HSD17B12: variants seen among roughly 807,000 people sequenced by gnomAD.
The protein encoded by HSD17B12 is very-long-chain 3-oxoacyl-CoA reductase.
Under a neutral mutation model 39.3 loss-of-function variants are expected in HSD17B12, and 32 were observed. The observed-to-expected ratio is 0.81, with a 90% CI of 0.61 to 1.09. The LOEUF (loss-of-function observed/expected upper bound fraction) is 1.09, where lower values mean the gene tolerates loss of function less well. HSD17B12 is among the 50% of genes least tolerant of loss of function. The pLI is 0.00. For synonymous variants in HSD17B12, 150 were observed against 146.7 expected (o/e 1.02, Z -0.16); for missense variants, 342 against 382.9 (o/e 0.89, Z 0.89).
At chr11:43,606,224 CAT>C in the HSD17B12 span, among the ~76,000 whole-genome samples, 2 of 152,240 alleles carry the variant, frequency 1.3e-5, no homozygotes, top group Admixed American at 1.3e-4. Flanking sequence ...CTGATGTACT[CAT>C]ATCGTTACAA....
intron 1 of HSD17B12, among the ~76,000 whole-genome samples, chr11:43,711,152 A>G (rs1950061702): frequency 6.6e-6 from 1 of 152,188 alleles, no homozygotes; most frequent in Admixed American, 6.5e-5. Context: ...AAACTCTTTG[A>G]AAATTCCATT....
chr11:43,720,834 G>C (rs1326110445), intron 1 of HSD17B12, among the ~76,000 whole-genome samples: 1 of 151,986 alleles, frequency 6.6e-6, no homozygotes, highest in East Asian at 1.9e-4. Flanking sequence ...ATTTGGCTTG[G>C]ATAGAGTTTT....
chr11:43,666,736 C>A, the HSD17B12 span, among the ~76,000 whole-genome samples: 1 of 152,106 alleles, frequency 6.6e-6, no homozygotes, highest in African/African-American at 2.4e-5. Context: ...TGTTTAGATA[C>A]CCTGTATAGA....
intron 3 of HSD17B12, among the ~76,000 whole-genome samples, chr11:43,787,263 C>T (rs1273647824): frequency 6.6e-6 from 1 of 152,044 alleles, no homozygotes; most frequent in East Asian, 1.9e-4. Flanking sequence ...ATTCTTTGTT[C>T]TGAAAGTGTT....
chr11:43,618,415 C>T, the HSD17B12 span, among the ~76,000 whole-genome samples: 1 of 152,196 alleles, frequency 6.6e-6, no homozygotes, highest in Non-Finnish European at 1.5e-5. Context: ...TGCTTGACAA[C>T]TTACGCCTTC....
chr11:43,710,054 G>A (rs1286631913), intron 1 of HSD17B12, among the ~76,000 whole-genome samples: 1 of 152,200 alleles, frequency 6.6e-6, no homozygotes, highest in African/African-American at 2.4e-5. Context: ...AAATGTTAAA[G>A]GAGGCTTGAT....
At chr11:43,575,294 A>G in the HSD17B12 span, among the ~76,000 whole-genome samples, 2 of 152,234 alleles carry the variant, frequency 1.3e-5, no homozygotes, top group Non-Finnish European at 2.9e-5. The surrounding 1 kb of genome is among the most constrained non-coding windows in gnomAD (Gnocchi z 4.1). Flanking sequence ...GGAGGGAGAA[A>G]AAGAGAGCAG....
rs746881513 is a variant in HSD17B12, at chr11:43,838,276, T to C, written c.537-41T>C. The stretch of plus-strand genomic sequence containing the variant: ...CTGTAATTCACAAACAACTGCATAC[T>C]GTGGCTTCACTCCTTTTACACGGTA... On this transcript the variant is annotated intron_variant, in intron 7 of 10. Coordinates refer to ENST00000278353, the MANE Select transcript of HSD17B12 (RefSeq NM_016142.3). The C allele has an allele frequency of 5.4e-6, 7 of 1,303,694 alleles. No homozygotes were observed. In the East Asian group the frequency reaches 1.4e-4, roughly 26 times the overall value. 80.8% of individuals were successfully genotyped at this position (1,303,694 alleles called of 1,614,324 possible). A position where few individuals can be genotyped will look rare whatever the true frequency, so the allele number is the denominator to read the frequency against.
chr11:43,707,306 T>G (rs558983043), intron 1 of HSD17B12, among the ~76,000 whole-genome samples: 1 of 152,268 alleles, frequency 6.6e-6, no homozygotes, highest in South Asian at 2.1e-4. Context: ...AAAAATAAAG[T>G]AGATGATAGA....
At chr11:43,748,733 A>G (rs543642753) in intron 1 of HSD17B12, among the ~76,000 whole-genome samples, 1 of 152,328 alleles carries the variant, frequency 6.6e-6, no homozygotes, top group East Asian at 1.9e-4. Flanking sequence ...GTTAGTTACT[A>G]ATGTTTCCTA....
the HSD17B12 span, among the ~76,000 whole-genome samples, chr11:43,599,314 A>G: frequency 3.3e-5 from 5 of 152,228 alleles, no homozygotes; most frequent in Admixed American, 2.6e-4. Context: ...ACCATAGCCT[A>G]TGCGACCCTT....
chr11:43,575,883 C>G, the HSD17B12 span, among the ~76,000 whole-genome samples: 1 of 152,204 alleles, frequency 6.6e-6, no homozygotes, highest in East Asian at 1.9e-4. The surrounding 1 kb of genome is among the most constrained non-coding windows in gnomAD (Gnocchi z 4.1). Flanking sequence ...TCAAAATATA[C>G]ATTTCCAAAG....
At chr11:43,568,727 C>T in the HSD17B12 span, among the ~76,000 whole-genome samples, 1 of 152,242 alleles carries the variant, frequency 6.6e-6, no homozygotes, top group African/African-American at 2.4e-5. Flanking sequence ...AGAACTGTCA[C>T]TCTCAGCTTA....
the HSD17B12 span, among the ~76,000 whole-genome samples, chr11:43,659,828 A>G: frequency 2.0e-5 from 3 of 152,196 alleles, no homozygotes. Flanking sequence ...GATGGCCTGG[A>G]TGTTTTGGCT....
At chr11:43,726,004 A>T (rs115337279) in intron 1 of HSD17B12, among the ~76,000 whole-genome samples, 2,448 of 152,254 alleles carry the variant, frequency 0.016, 45 homozygotes, top group African/African-American at 0.044. Flanking sequence ...TCATGTTGTT[A>T]TTTTCACTTT....
At chr11:43,632,951 A>T in the HSD17B12 span, among the ~76,000 whole-genome samples, 1 of 152,194 alleles carries the variant, frequency 6.6e-6, no homozygotes, top group East Asian at 1.9e-4. Flanking sequence ...AAAGAAAAAA[A>T]ACAGAGAAAA....
At position 43,793,811 on chromosome 11, in the gene HSD17B12, G is replaced by A. The variant is rs117321210; in HGVS notation, c.284-4509G>A. On this transcript the variant is annotated intron_variant, in intron 3 of 10. Transcript: ENST00000278353. ...CTGTAGGAGTGGTGCATGTGCTCTTGCAGGTGATGGAATGGCTTGAGGCCA... is the reference window on the plus strand; with the variant it reads ...CTGTAGGAGTGGTGCATGTGCTCTTACAGGTGATGGAATGGCTTGAGGCCA... Among the ~76,000 whole-genome samples the A allele has an allele frequency of 4.6e-5, 7 of 152,330 alleles. 1 individual carries two copies. In the East Asian group the frequency reaches 1.3e-3, roughly 29 times the overall value.
chr11:43,742,199 G>A (rs953508606), intron 1 of HSD17B12, among the ~76,000 whole-genome samples: 4 of 148,194 alleles, frequency 2.7e-5, no homozygotes, highest in South Asian at 2.1e-4. Flanking sequence ...GTACAGTGCC[G>A]CAATCATAAC....
intron 3 of HSD17B12, among the ~76,000 whole-genome samples, chr11:43,763,455 G>A (rs1053332096): frequency 1.8e-4 from 27 of 151,826 alleles, no homozygotes; most frequent in Admixed American, 3.9e-4. Flanking sequence ...ATACTGAGGC[G>A]CATAGTAATT....
Sources: gnomAD v4.1 joint callset for allele counts (sites outside exome capture counted in the v4.1 genomes callset) on GRCh38, gnomAD v4.1.1 for gene constraint, Gnocchi (gnomAD v3.1) non-coding constraint, MANE v1.5 for transcripts, NCBI Gene and HGNC (gene_info 2026-07-23, HGNC 2026-07-21) for gene names.